DLG2: variants seen among roughly 807,000 people sequenced by gnomAD.
DLG2 encodes the protein disks large homolog 2.
DLG2 carries 45 observed loss-of-function variants against 132.5 expected under a neutral mutation model. The ratio of observed to expected loss-of-function variants is 0.34; its 90% CI spans 0.27 to 0.44. The LOEUF (loss-of-function observed/expected upper bound fraction) is 0.44. DLG2 is among the 20% of genes least tolerant of loss of function. The pLI, the probability that DLG2 is intolerant of heterozygous loss-of-function variation, is 1.00. For synonymous variants in DLG2, 424 were observed against 419.6 expected (o/e 1.01, Z -0.13); for missense variants, 1,045 against 1,196.9 (o/e 0.87, Z 1.87).
At chr11:85,472,283 T>C (rs1218780987) in intron 3 of DLG2, among the ~76,000 whole-genome samples, 1 of 152,074 alleles carries the variant, frequency 6.6e-6, no homozygotes, top group Non-Finnish European at 1.5e-5. Flanking sequence ...TCAGGTCCTC[T>C]CAACTGAGAA....
At chr11:84,821,637 A>AC (rs1173359538) in intron 6 of DLG2, among the ~76,000 whole-genome samples, 1 of 127,852 alleles carries the variant, frequency 7.8e-6, no homozygotes, top group Non-Finnish European at 1.7e-5. Context: ...TAAAAAAAAA[A>AC]AAAACAACAA....
At chr11:85,118,439 A>G (rs2073927682) in intron 5 of DLG2, among the ~76,000 whole-genome samples, 1 of 152,066 alleles carries the variant, frequency 6.6e-6, no homozygotes, top group African/African-American at 2.4e-5. Context: ...ACTCTACATT[A>G]AAATATTCTA....
chr11:84,183,762 TC>T (rs2096206388), intron 8 of DLG2, among the ~76,000 whole-genome samples: 1 of 152,082 alleles, frequency 6.6e-6, no homozygotes, highest in Admixed American at 6.6e-5. Flanking sequence ...TGTGTGATGT[TC>T]CCCTTCCTGT....
At chr11:84,039,461 T>G (rs574635398) in intron 11 of DLG2, among the ~76,000 whole-genome samples, 1 of 123,074 alleles carries the variant, frequency 8.1e-6, no homozygotes, top group African/African-American at 3.0e-5. Flanking sequence ...TGAGTGAGAA[T>G]ATGTGGTGTT....
chr11:84,398,128 A>C (rs7108323), intron 7 of DLG2, among the ~76,000 whole-genome samples: 60,765 of 152,138 alleles, frequency 0.4, 17,729 homozygotes, highest in African/African-American at 0.83. Context: ...TTCTTTTAAC[A>C]AGTTGATATA....
At chr11:84,723,139 C>G (rs2062026820) in intron 6 of DLG2, among the ~76,000 whole-genome samples, 1 of 152,124 alleles carries the variant, frequency 6.6e-6, no homozygotes, top group African/African-American at 2.4e-5. Flanking sequence ...ACAACATTTC[C>G]CTTATTCATT....
rs1565616703 is a variant in DLG2, at chr11:83,520,695, G to GA, written c.2193+12012_2193+12013insT. Among the ~76,000 whole-genome samples the GA allele has an allele frequency of 5.0e-3, 745 of 149,144 alleles. 10 individuals are homozygous for GA. The highest frequency in any genetic ancestry group is 0.017 in the East Asian group (86 of 4,986). ...GAAAGACAGACAGGTAAGTAGGTAG[G>GA]TAGATAGATAGATAGATAGATAGAT... On this transcript the variant is annotated intron_variant, in intron 21 of 27. Coordinates refer to ENST00000376104, the MANE Select transcript of DLG2 (RefSeq NM_001142699.3).
intron 6 of DLG2, among the ~76,000 whole-genome samples, chr11:84,997,967 C>T (rs887338610): frequency 2.0e-5 from 3 of 152,084 alleles, no homozygotes; most frequent in African/African-American, 7.2e-5. Context: ...TTTAAAGACA[C>T]CTGTGGGTTG....
At chr11:85,584,782 G>C (rs374301455) in intron 3 of DLG2, among the ~76,000 whole-genome samples, 1 of 151,950 alleles carries the variant, frequency 6.6e-6, no homozygotes, top group African/African-American at 2.4e-5. Flanking sequence ...TATGTTTGTT[G>C]GTCTTTTCCA....
chr11:84,440,661 G>A (rs1017740641), intron 7 of DLG2, among the ~76,000 whole-genome samples: 3 of 152,176 alleles, frequency 2.0e-5, no homozygotes, highest in African/African-American at 7.2e-5. Context: ...TACCTGGACA[G>A]ACCTTTTCCT....
rs556205080 is a variant in DLG2, at chr11:85,076,818, T to C, written c.357+34843A>G. 1.2e-4 allele frequency among the ~76,000 whole-genome samples: 18 copies of C among 152,140 alleles called. No individual in the cohort carries two copies. In the South Asian group the frequency reaches 3.7e-3, roughly 31 times the overall value. On this transcript the variant is annotated intron_variant, in intron 6 of 27. Coordinates refer to ENST00000376104, the MANE Select transcript of DLG2 (RefSeq NM_001142699.3). ...ACAAACCAGAGTGAAAGATGACCCC[T>C]TGACTGGCATTATTTACCTTCCATT...
chr11:83,630,974 G>C (rs968937445), intron 19 of DLG2, among the ~76,000 whole-genome samples: 1 of 152,118 alleles, frequency 6.6e-6, no homozygotes, highest in African/African-American at 2.4e-5. Context: ...AACCCTGCTA[G>C]TAATTTATTC....
intron 16 of DLG2, among the ~76,000 whole-genome samples, chr11:83,838,123 ATGAATCATT>A (rs764451125): frequency 6.8e-4 from 103 of 152,316 alleles, no homozygotes; most frequent in Middle Eastern, 3.4e-3. Flanking sequence ...GATGCTTTAT[ATGAATCATT>A]TGATTTATTC....
chr11:85,464,993 G>C (rs1225798899), intron 3 of DLG2, among the ~76,000 whole-genome samples: 1 of 139,752 alleles, frequency 7.2e-6, no homozygotes, highest in Non-Finnish European at 1.5e-5. Context: ...AGAATCACTT[G>C]AACCTAGGAG....
At chr11:83,769,346 C>G (rs1178881486) in intron 18 of DLG2, among the ~76,000 whole-genome samples, 1 of 152,158 alleles carries the variant, frequency 6.6e-6, no homozygotes, top group Non-Finnish European at 1.5e-5. Flanking sequence ...AATCATTCAT[C>G]AAACATTTAT....
chr11:83,775,663 C>T (rs2094551229), intron 18 of DLG2, among the ~76,000 whole-genome samples: 2 of 151,820 alleles, frequency 1.3e-5, no homozygotes, highest in Non-Finnish European at 2.9e-5. Flanking sequence ...GCTTTAGCTA[C>T]ACATTGTTTT....
chr11:83,712,010 A>G (rs777106731), intron 18 of DLG2, among the ~76,000 whole-genome samples: 1 of 152,164 alleles, frequency 6.6e-6, no homozygotes, highest in Non-Finnish European at 1.5e-5. Flanking sequence ...AAACAAAAAA[A>G]CCGGATCTTG....
chr11:85,511,878 C>T (rs536110967), intron 3 of DLG2, among the ~76,000 whole-genome samples: 16 of 152,106 alleles, frequency 1.1e-4, no homozygotes, highest in Middle Eastern at 6.8e-3. Flanking sequence ...GGACTATAGG[C>T]ACGTGCCACC....
intron 7 of DLG2, among the ~76,000 whole-genome samples, chr11:84,502,374 C>CT (rs1475339057): frequency 1.2e-5 from 1 of 83,914 alleles, no homozygotes; most frequent in South Asian, 3.6e-4. Flanking sequence ...TTCTTTCTTT[C>CT]TTTCTTTCTT....
Sources: allele counts gnomAD v4.1 joint callset (sites outside exome capture counted in the v4.1 genomes callset), GRCh38; gene constraint gnomAD v4.1.1; transcripts MANE v1.5; gene names NCBI Gene and HGNC (gene_info 2026-07-23, HGNC 2026-07-21).